NBEAL1: variants seen among roughly 807,000 people sequenced by gnomAD.
The protein encoded by NBEAL1 is neurobeachin-like protein 1.
A neutral mutation model predicts 351.3 loss-of-function variants in NBEAL1; 273 were observed. The observed-to-expected ratio is 0.78, with a 90% CI of 0.70 to 0.86. The LOEUF (loss-of-function observed/expected upper bound fraction) is 0.86, where lower values mean the gene tolerates loss of function less well. Among genes scored for constraint, NBEAL1 ranks in the 40% least tolerant of loss-of-function variants. The pLI is 0.00. For missense variants in NBEAL1, 2,961 were observed against 3,201.3 expected, an observed-to-expected ratio of 0.92 and a Z score of 1.81; for synonymous variants, 1,050 against 1,086.4, an observed-to-expected ratio of 0.97 and a Z score of 0.66.
Position 203,083,293 on chromosome 2 carries a change from G to C in NBEAL1, c.759G>C (p.Trp253Cys). The stretch of plus-strand genomic sequence containing the variant: ...GAGTATTGGCAGATTGTGATTCCTG[G>C]GAGGATGGAGATCCTGAAGAAGTGG... ...LMRVLADCDS[W>C]EDGDPEEVGR... The change falls in exon 9 of 56, where the codon TGG becomes TGC. Residue 253 changes from tryptophan (W) to cysteine (C), a missense_variant. Transcript: ENST00000683969. 6.4e-7 allele frequency: 1 copy of C among 1,552,898 alleles called. No individual in the cohort carries two copies. Among genetic ancestry groups the C allele is most frequent in the Non-Finnish European group, 8.7e-7 (1 of 1,147,332 alleles).
chr2:203,175,675 A>G (rs1251430457), intron 42 of NBEAL1, among the ~76,000 whole-genome samples: 1 of 152,224 alleles, frequency 6.6e-6, no homozygotes, highest in Non-Finnish European at 1.5e-5. Context: ...CTCTTACATT[A>G]TTACAGCAGC....
chr2:203,130,314 A>G lies in NBEAL1; in HGVS notation c.3406-4A>G. ...GTTTGTTTTGTGTTGTTTAATTTTAAAAGCTCTTTGGAATTTTGGACGTGC... is the reference window on the plus strand; with the variant it reads ...GTTTGTTTTGTGTTGTTTAATTTTAGAAGCTCTTTGGAATTTTGGACGTGC... On this transcript the variant is annotated splice_region_variant and splice_polypyrimidine_tract_variant and intron_variant, in intron 24 of 55. Transcript: ENST00000683969. 6.5e-7 allele frequency: 1 copy of G among 1,527,962 alleles called. No homozygotes were observed. The highest frequency in any genetic ancestry group is 8.8e-7 in the Non-Finnish European group (1 of 1,139,202). The allele number at this position is 1,527,962 out of a possible 1,614,324, so 94.7% of individuals were successfully genotyped here.
At chr2:203,125,583 A>G (rs2062919129) in intron 20 of NBEAL1, 63 bp downstream of exon 20, 2 of 1,319,860 alleles carry the variant, frequency 1.5e-6, no homozygotes, top group Admixed American at 3.7e-5. Flanking sequence ...TGAGAAATAA[A>G]TGAAAATGTT....
chr2:203,187,716 C>T (rs572078920), intron 44 of NBEAL1, among the ~76,000 whole-genome samples: 22 of 151,212 alleles, frequency 1.5e-4, no homozygotes, highest in African/African-American at 5.3e-4. Context: ...GCACTCCAAC[C>T]TCAGCGACAG....
In NBEAL1 at chr2:203,127,779, A is replaced by G. The variant is rs1444697442; in HGVS notation, c.3249-2A>G. 6.1e-6 allele frequency: 9 copies of G among 1,486,092 alleles called. No individual in the cohort carries two copies. The highest frequency in any genetic ancestry group is 6.4e-6 in the Non-Finnish European group (7 of 1,096,382). 92.1% of individuals were successfully genotyped at this position (1,486,092 alleles called of 1,614,324 possible). On this transcript the variant is annotated splice_acceptor_variant, in intron 23 of 55. Coordinates refer to ENST00000683969, the MANE Select transcript of NBEAL1 (RefSeq NM_001378026.1). LOFTEE classifies it high-confidence loss of function. ...ATTCTTATACTTTGTTTTGTCTTTC[A>G]GGAATGGTTGTAAATATAATGAACT...
chr2:203,052,421 A>T (rs2061339048), intron 4 of NBEAL1: 1 of 152,426 alleles, frequency 6.6e-6, no homozygotes, highest in Non-Finnish European at 1.5e-5. Context: ...ATGAGGCTTA[A>T]CCACTGATAT....
At chr2:203,066,581 G>T (rs1003655929) in intron 6 of NBEAL1, among the ~76,000 whole-genome samples, 1 of 152,144 alleles carries the variant, frequency 6.6e-6, no homozygotes, top group African/African-American at 2.4e-5. Flanking sequence ...GTTCTCAATG[G>T]TCGCTGTCTC....
chr2:203,112,747 C>T (rs2062600883), intron 16 of NBEAL1, among the ~76,000 whole-genome samples: 1 of 152,064 alleles, frequency 6.6e-6, no homozygotes, highest in Admixed American at 6.6e-5. Context: ...ATCATATGCA[C>T]TTTAAAAATT....
In NBEAL1 at chr2:203,116,047, A is replaced by G; in HGVS notation, c.2569A>G (p.Ile857Val). 3.2e-6 allele frequency: 5 copies of G among 1,553,544 alleles called. No homozygotes were observed. The highest frequency in any genetic ancestry group is 1.2e-5 in the South Asian group (1 of 84,190). ...ESDMADLPGN[I>V]LLYYTAKACK... ...TGACATGGCCGACCTGCCTGGTAAC[A>G]TCCTTCTTTACTACACAGCAAAGGT... The change falls in exon 18 of 56, where the codon ATC (isoleucine) becomes GTC (valine). Residue 857 changes from isoleucine (I) to valine (V), a missense_variant. Transcript: ENST00000683969.
intron 2 of NBEAL1, among the ~76,000 whole-genome samples, chr2:203,031,211 TGATA>T (rs1412263775): frequency 6.6e-6 from 1 of 152,248 alleles, no homozygotes; most frequent in African/African-American, 2.4e-5. Context: ...GTTTGGCTTA[TGATA>T]GATAATCTTT....
intron 25 of NBEAL1, 76 bp downstream of exon 25, chr2:203,130,552 C>A (rs1260029459): frequency 2.2e-6 from 2 of 929,862 alleles, no homozygotes; most frequent in Non-Finnish European, 2.9e-6. Context: ...TATATCCATT[C>A]TGTGACTATA....
chr2:203,151,752 G>C (rs1434301349), intron 35 of NBEAL1, among the ~76,000 whole-genome samples, 163 bp downstream of exon 35: 1 of 151,890 alleles, frequency 6.6e-6, no homozygotes, highest in African/African-American at 2.4e-5. Context: ...TGTTACATTT[G>C]GCCTAAATCC....
chr2:203,219,131 G>A lies in NBEAL1; in HGVS notation c.*1777G>A, dbSNP rs186354620. On this transcript the variant is annotated 3_prime_UTR_variant, in exon 56 of 56. Transcript: ENST00000683969. ...CCAGTGCTTCACCCGTGGTGCCACC[G>A]TGGCTATCTTTTTTTTTATCTTACA... 2 of 152,110 alleles carry A rather than the reference G, an allele frequency of 1.3e-5. No individual in the cohort carries two copies. Among genetic ancestry groups the A allele is most frequent in the South Asian group, 2.1e-4 (1 of 4,820 alleles). 9.4% of individuals were successfully genotyped at this position (152,110 alleles called of 1,614,324 possible).
chr2:203,145,797 C>CAAAAAA (rs56382460), intron 33 of NBEAL1, among the ~76,000 whole-genome samples: 6 of 86,114 alleles, frequency 7.0e-5, no homozygotes, highest in Admixed American at 1.3e-4. Context: ...GACTCCATCT[C>CAAAAAA]AAAAAAAAAA....
At chr2:203,146,659 G>A (rs2063521025) in intron 33 of NBEAL1, among the ~76,000 whole-genome samples, 1 of 151,996 alleles carries the variant, frequency 6.6e-6, no homozygotes, top group Non-Finnish European at 1.5e-5. Context: ...TGGGTGTGGT[G>A]GTACGCACCT....
chr2:203,133,780 TAC>T (rs1268973851), intron 27 of NBEAL1, among the ~76,000 whole-genome samples: 2 of 151,154 alleles, frequency 1.3e-5, no homozygotes, highest in South Asian at 2.1e-4. Context: ...TACACATATA[TAC>T]ACACACATAT....
chr2:203,014,651 C>G (rs533032577), upstream of NBEAL1: 1 of 152,406 alleles, frequency 6.6e-6, no homozygotes, highest in Admixed American at 6.5e-5. Flanking sequence ...GTTTCAGTGC[C>G]GCGGCCGGCG....
chr2:203,134,351 A>G (rs536801665), intron 27 of NBEAL1, among the ~76,000 whole-genome samples: 4 of 152,312 alleles, frequency 2.6e-5, no homozygotes, highest in Non-Finnish European at 5.9e-5. Context: ...TTTCTTTGCC[A>G]AGTAAAGCTT....
chr2:203,144,474 C>A (rs2063459827), intron 31 of NBEAL1, 126 bp from the exon 32 acceptor site: 4 of 869,276 alleles, frequency 4.6e-6, no homozygotes. Context: ...AAAGTAACAT[C>A]TGAGACCTTT....
Sources: allele counts gnomAD v4.1 joint callset (sites outside exome capture counted in the v4.1 genomes callset), GRCh38; gene constraint gnomAD v4.1.1; transcripts MANE v1.5; gene names NCBI Gene and HGNC (gene_info 2026-07-23, HGNC 2026-07-21).